CLVS1: variants seen among roughly 807,000 people sequenced by gnomAD.
CLVS1 encodes clavesin 1.
Under a neutral mutation model 33.1 loss-of-function variants are expected in CLVS1, and 10 were observed. That is an observed-to-expected ratio of 0.30 (90% CI 0.19 to 0.51). The LOEUF (loss-of-function observed/expected upper bound fraction) is 0.51, where lower values mean the gene tolerates loss of function less well. Ranked by LOEUF, CLVS1 falls within the 20% of genes least tolerant of loss-of-function variation. CLVS1 has a pLI of 0.97. For synonymous variants in CLVS1, 163 were observed against 166.1 expected, an observed-to-expected ratio of 0.98 and a Z score of 0.14; for missense variants, 343 against 433.4, an observed-to-expected ratio of 0.79 and a Z score of 1.85.
intron 2 of CLVS1, among the ~76,000 whole-genome samples, chr8:61,150,531 C>T (rs1190229924): frequency 6.6e-6 from 1 of 152,158 alleles, no homozygotes; most frequent in Non-Finnish European, 1.5e-5. Flanking sequence ...TTTGATTCCA[C>T]CCCCAGCCCT....
chr8:61,101,730 A>G (rs575725518), intron 1 of CLVS1, among the ~76,000 whole-genome samples: 4 of 151,886 alleles, frequency 2.6e-5, no homozygotes, highest in Admixed American at 6.6e-5. Context: ...CAAGTTTTAT[A>G]TGTTTTTAAG....
intron 1 of CLVS1, among the ~76,000 whole-genome samples, chr8:61,068,217 A>G (rs1585585031): frequency 1.0e-5 from 1 of 97,010 alleles, no homozygotes; most frequent in Middle Eastern, 6.0e-3. Context: ...ATATATATAT[A>G]TGTATGTATG....
intron 3 of CLVS1, among the ~76,000 whole-genome samples, chr8:61,421,848 C>G (rs572054146): frequency 6.6e-6 from 1 of 152,158 alleles, no homozygotes; most frequent in South Asian, 2.1e-4. Context: ...TGTGGTCGTG[C>G]TAGGAACCTT....
chr8:61,485,558 C>T (rs1053567216), intron 5 of CLVS1, among the ~76,000 whole-genome samples: 2 of 152,200 alleles, frequency 1.3e-5, no homozygotes, highest in African/African-American at 4.8e-5. Context: ...TGATCTAGAA[C>T]TGGAAATACC....
intron 2 of CLVS1, among the ~76,000 whole-genome samples, chr8:61,205,737 G>A (rs1807825652): frequency 1.3e-5 from 2 of 151,952 alleles, no homozygotes; most frequent in Non-Finnish European, 2.9e-5. Flanking sequence ...AATGCACAAA[G>A]GTTCTCATTC....
the CLVS1 span, among the ~76,000 whole-genome samples, chr8:60,986,802 A>G: frequency 3.9e-5 from 6 of 152,324 alleles, no homozygotes; most frequent in Admixed American, 6.5e-5. Context: ...TATGGGTAAC[A>G]TCGTACTGGG....
chr8:61,082,928 T>C (rs553262494), intron 1 of CLVS1, among the ~76,000 whole-genome samples: 136 of 151,802 alleles, frequency 9.0e-4, no homozygotes, highest in Non-Finnish European at 1.8e-3. Context: ...TCTCAGCTAC[T>C]AAGGAGGGTG....
chr8:60,988,846 T>G, the CLVS1 span, among the ~76,000 whole-genome samples: 2 of 152,332 alleles, frequency 1.3e-5, no homozygotes, highest in East Asian at 3.9e-4. Context: ...GAAAGTAGCT[T>G]TTTTGGTTTG....
At chr8:61,119,630 G>A (rs1459464982) in intron 1 of CLVS1, among the ~76,000 whole-genome samples, 1 of 149,564 alleles carries the variant, frequency 6.7e-6, no homozygotes, top group African/African-American at 2.5e-5. Context: ...CTTCGCTTAT[G>A]AAGCTTAGTT....
chr8:60,998,119 C>T, the CLVS1 span, among the ~76,000 whole-genome samples: 2 of 152,158 alleles, frequency 1.3e-5, no homozygotes, highest in Non-Finnish European at 2.9e-5. Context: ...TAGTTGAGTG[C>T]TCCCTCAAGG....
chr8:61,088,170 T>C (rs377716665), intron 1 of CLVS1, among the ~76,000 whole-genome samples: 5 of 152,226 alleles, frequency 3.3e-5, no homozygotes, highest in Non-Finnish European at 4.4e-5. Context: ...TACTGCTGTA[T>C]AGTGCCCCAC....
chr8:61,140,075 G>A (rs1806279004), intron 2 of CLVS1, among the ~76,000 whole-genome samples: 1 of 152,094 alleles, frequency 6.6e-6, no homozygotes, highest in African/African-American at 2.4e-5. Flanking sequence ...CTAGAAGGGC[G>A]CATTCCATGG....
intron 5 of CLVS1, among the ~76,000 whole-genome samples, chr8:61,463,376 T>C (rs1479647073): frequency 6.6e-6 from 1 of 152,214 alleles, no homozygotes; most frequent in East Asian, 1.9e-4. Flanking sequence ...TAATGCTCCT[T>C]TGCATTCACA....
In CLVS1 at chr8:61,181,717, T is replaced by C. The variant is rs1448279655; in HGVS notation, c.-152+49857T>C. On this transcript the variant is annotated intron_variant, in intron 2 of 2. Coordinates refer to the CLVS1 transcript ENST00000522621. ...CTGATCTTTTTTTTTTTTTTTTTTT[T>C]GAGATGGAGTCTCGCTCTGTCTCCC... 6.3e-5 allele frequency among the ~76,000 whole-genome samples: 9 copies of C among 142,840 alleles called. 1 individual carries two copies. The East Asian group carries it at 1.8e-3, about 29-fold the overall frequency. 93.7% of individuals were successfully genotyped at this position (142,840 alleles called of 152,430 possible). A position where few individuals can be genotyped will look rare whatever the true frequency, so the allele number is the denominator to read the frequency against.
chr8:61,414,079 T>C (rs980939606), intron 3 of CLVS1, among the ~76,000 whole-genome samples: 1 of 152,052 alleles, frequency 6.6e-6, no homozygotes, highest in East Asian at 1.9e-4. Context: ...AAAATGGTAA[T>C]AAGAACAACA....
chr8:60,974,333 A>G, the CLVS1 span, among the ~76,000 whole-genome samples: 1 of 152,188 alleles, frequency 6.6e-6, no homozygotes, highest in Non-Finnish European at 1.5e-5. Context: ...GCCACCCTCC[A>G]GAGTCCCATC....
chr8:61,185,128 C>A (rs1376654578), intron 2 of CLVS1, among the ~76,000 whole-genome samples: 2 of 150,564 alleles, frequency 1.3e-5, no homozygotes, highest in Non-Finnish European at 2.9e-5. Flanking sequence ...TGCTTAAATG[C>A]CATTAGAGAG....
chr8:61,501,442 A>ATAAT lies in CLVS1; in HGVS notation c.*1902_*1905dup, dbSNP rs1482927881. On this transcript the variant is annotated 3_prime_UTR_variant, in exon 6 of 6. Transcript: ENST00000325897. The stretch of plus-strand genomic sequence containing the variant: ...TAAGAGCTAGTTTTTACTCTCTTCC[A>ATAAT]TAATTTCATTACATGAATGTAAGAT... 1 of 152,174 alleles carries ATAAT rather than the reference A, an allele frequency of 6.6e-6. No individual in the cohort carries two copies. The highest frequency in any genetic ancestry group is 6.5e-5 in the Admixed American group (1 of 15,270). 9.4% of individuals were successfully genotyped at this position (152,174 alleles called of 1,614,324 possible).
chr8:61,415,680 TAA>T (rs143843191), intron 3 of CLVS1, among the ~76,000 whole-genome samples: 1,653 of 152,210 alleles, frequency 0.011, 35 homozygotes, highest in African/African-American at 0.037. Flanking sequence ...CGGGTGCCGG[TAA>T]ATGCTCCATG....
Sources: allele counts gnomAD v4.1 joint callset (sites outside exome capture counted in the v4.1 genomes callset), GRCh38; gene constraint gnomAD v4.1.1; transcripts MANE v1.5; gene names NCBI Gene and HGNC (gene_info 2026-07-23, HGNC 2026-07-21).